Variants in AP1B1 observed in about 807,000 individuals in gnomAD.
AP1B1 encodes AP-1 complex subunit beta-1.
AP1B1 carries 36 observed loss-of-function variants against 104.3 expected under a neutral mutation model. The observed-to-expected ratio is 0.35, with a 90% CI of 0.26 to 0.46. The LOEUF (loss-of-function observed/expected upper bound fraction) is 0.46, where lower values mean the gene tolerates loss of function less well. Ranked by LOEUF, AP1B1 falls within the 20% of genes least tolerant of loss-of-function variation. The probability of loss-of-function intolerance (pLI) is 1.00; values close to 1 mark genes in which losing one functional copy is unlikely to be tolerated. For missense variants in AP1B1, 901 were observed against 1,247.9 expected (o/e 0.72, Z 4.19); for synonymous variants, 504 against 517.5 (o/e 0.97, Z 0.35).
intron 1 of AP1B1, among the ~76,000 whole-genome samples, chr22:29,383,504 A>G (rs2062469984): frequency 6.6e-6 from 1 of 151,922 alleles, no homozygotes; most frequent in African/African-American, 2.4e-5. Flanking sequence ...AGGTCAGGAG[A>G]TCGAGACCAT....
rs2062003830 is a variant in AP1B1 at position 29,359,017 on chromosome 22, T to C, written c.280-46A>G. The C allele has an allele frequency of 3.2e-6, 5 of 1,549,016 alleles. No individual in the cohort carries two copies. In the South Asian group the frequency reaches 4.7e-5, roughly 15 times the overall value. Reference sequence around the variant, plus strand: ...GCCAGGGCAGGGGTGGGATGAGCCATCTGTGGCTTCATATTCTCCCTGGCC... The same window carrying C: ...GCCAGGGCAGGGGTGGGATGAGCCACCTGTGGCTTCATATTCTCCCTGGCC... On this transcript the variant is annotated intron_variant, in intron 4 of 22. Transcript: ENST00000357586.
chr22:29,387,951 G>A (rs1271328451), intron 1 of AP1B1, among the ~76,000 whole-genome samples: 1 of 152,228 alleles, frequency 6.6e-6, no homozygotes. Flanking sequence ...TTGTCTTAGA[G>A]GCTCCAACAA....
rs375423234 is a variant in AP1B1 at position 29,340,953 on chromosome 22, ACT to A, written c.1797-98_1797-97del. The A allele has an allele frequency of 5.2e-5, 65 of 1,260,652 alleles. No homozygotes were observed. The African/African-American group carries it at 7.4e-4, about 14-fold the overall frequency. The allele number at this position is 1,260,652 out of a possible 1,614,324, so 78.1% of individuals were successfully genotyped here. On this transcript the variant is annotated intron_variant, in intron 13 of 22. Transcript: ENST00000357586. Reference sequence around the variant, plus strand: ...GGCAGAGCTGTCCCCCAGGACAGGCACTGAGTCTCCTCACTGTCCCCGACAGG... The same window carrying A: ...GGCAGAGCTGTCCCCCAGGACAGGCAGAGTCTCCTCACTGTCCCCGACAGG...
chr22:29,385,276 C>T (rs994883363), intron 1 of AP1B1, among the ~76,000 whole-genome samples: 1 of 152,134 alleles, frequency 6.6e-6, no homozygotes, highest in Non-Finnish European at 1.5e-5. Flanking sequence ...GTACTAGCTA[C>T]TTGGGAGGCT....
At position 29,356,476 on chromosome 22, in the gene AP1B1, G is replaced by C; in HGVS notation, c.666C>G (p.Ile222Met). The change falls in exon 6 of 23, where the codon ATC (isoleucine) becomes ATG (methionine). Residue 222 changes from isoleucine to methionine, a missense_variant. Physicochemically the swap from Ile to Met is conservative, Grantham distance 10. Around this residue, in one of 3 missense-constraint regions of AP1B1, gnomAD observed 471 missense variants for 696.7 expected, o/e 0.68. Transcript: ENST00000357586. The stretch of plus-strand genomic sequence containing the variant: ...GCATATAGTTGGCGAGGCAGTCCAG[G>C]ATGAAGATCTGGCCCCACTCGGTGC... ...NECTEWGQIF[I>M]LDCLANYMPK... is the part of the protein sequence containing the mutation. 1.2e-6 allele frequency: 2 copies of C among 1,614,204 alleles called. No homozygotes were observed. The highest frequency in any genetic ancestry group is 1.7e-6 in the Non-Finnish European group (2 of 1,180,028).
At chr22:29,374,489 G>GAC (rs551569626) in intron 1 of AP1B1, among the ~76,000 whole-genome samples, 1 of 152,316 alleles carries the variant, frequency 6.6e-6, no homozygotes, top group South Asian at 2.1e-4. Context: ...GAATGGCAGA[G>GAC]GATGTGGACA....
intron 1 of AP1B1, 46 bp downstream of exon 1, chr22:29,388,378 T>G (rs2062568416): frequency 6.6e-6 from 1 of 152,298 alleles, no homozygotes; most frequent in Non-Finnish European, 1.5e-5. Flanking sequence ...CCCTGACCCC[T>G]CGCCCCACTT....
intron 16 of AP1B1, among the ~76,000 whole-genome samples, chr22:29,335,746 C>T (rs1378379032): frequency 6.6e-6 from 1 of 152,236 alleles, no homozygotes; most frequent in African/African-American, 2.4e-5. Flanking sequence ...GCCCCTGCCC[C>T]TGGGACCTCA....
At chr22:29,361,176 A>G (rs531604117) in intron 3 of AP1B1, among the ~76,000 whole-genome samples, 1 of 152,234 alleles carries the variant, frequency 6.6e-6, no homozygotes, top group African/African-American at 2.4e-5. Context: ...CTGACTTGGA[A>G]GGAGGCCCAG....
chr22:29,362,351 C>CTT (rs889164304), intron 3 of AP1B1, among the ~76,000 whole-genome samples: 4 of 145,982 alleles, frequency 2.7e-5, no homozygotes, highest in South Asian at 2.2e-4. Context: ...TCCCATTCTT[C>CTT]TTTTTTTTTT....
At chr22:29,387,115 G>C (rs2062537259) in intron 1 of AP1B1, among the ~76,000 whole-genome samples, 1 of 152,152 alleles carries the variant, frequency 6.6e-6, no homozygotes, top group Non-Finnish European at 1.5e-5. Context: ...AGCCTGTTTT[G>C]TGTCTCACTG....
chr22:29,377,880 A>G (rs5763178), intron 1 of AP1B1, among the ~76,000 whole-genome samples: 95,648 of 151,620 alleles, frequency 0.63, 31,577 homozygotes, highest in African/African-American at 0.83. Flanking sequence ...AAGTTTACAG[A>G]TGAGGAAACT....
At chr22:29,331,103 C>T (rs2147930326) in intron 19 of AP1B1, among the ~76,000 whole-genome samples, 1 of 152,316 alleles carries the variant, frequency 6.6e-6, no homozygotes, top group South Asian at 2.1e-4. Context: ...TGATCAACAC[C>T]CTTCTTGGGG....
intron 11 of AP1B1, among the ~76,000 whole-genome samples, chr22:29,345,108 G>C (rs2061771800): frequency 6.6e-6 from 1 of 152,214 alleles, no homozygotes; most frequent in African/African-American, 2.4e-5. Context: ...GCCCAGGCTG[G>C]AGTGCAGTGG....
rs1460602967 is a variant in AP1B1, at chr22:29,339,230, G to A, written c.2020-97C>T. 8 of 1,360,854 alleles carry A rather than the reference G, an allele frequency of 5.9e-6. No individual in the cohort carries two copies. In the African/African-American group the frequency reaches 8.6e-5, roughly 15 times the overall value. The allele number at this position is 1,360,854 out of a possible 1,614,324, so 84.3% of individuals were successfully genotyped here. On this transcript the variant is annotated intron_variant, in intron 15 of 22. Transcript: ENST00000357586. ...GCCACCTGGCTCTTTAGAAGACACT[G>A]GGGGCAGGGGGCAGGACAGCCTCCA...
In AP1B1 at chr22:29,339,754, C is replaced by A. The variant is rs201033565; in HGVS notation, c.2019G>T (p.Gly673=). 366 of 1,608,954 alleles carry A rather than the reference C, an allele frequency of 2.3e-4. 1 individual carries two copies. The highest frequency in any genetic ancestry group is 8.5e-6 in the Non-Finnish European group (10 of 1,177,922). ...TGGTGACGCAAGGGTTGAACCATAC[C>A]CCTTCAGGCTCATCCCCCATCTCCA... is the stretch of plus-strand genomic sequence containing the variant. ...LDSLMGDEPE[G]IGGTNFVAPP... is the part of the protein sequence containing the mutation. The change falls in exon 15 of 23, where the codon GGG becomes GGT. Residue 673 remains glycine, a splice_region_variant and synonymous_variant. Coordinates refer to ENST00000357586, the MANE Select transcript of AP1B1 (RefSeq NM_001127.4).
chr22:29,346,588 G>A (rs1256307023), intron 11 of AP1B1, among the ~76,000 whole-genome samples: 3 of 152,206 alleles, frequency 2.0e-5, no homozygotes, highest in South Asian at 2.1e-4. Flanking sequence ...TTGCTTGCCC[G>A]CCGCTCACCT....
chr22:29,370,933 G>A (rs2062224762), intron 1 of AP1B1, among the ~76,000 whole-genome samples: 1 of 152,116 alleles, frequency 6.6e-6, no homozygotes, highest in East Asian at 1.9e-4. Flanking sequence ...ATATCCCTCT[G>A]CAGAGGGCCC....
intron 1 of AP1B1, among the ~76,000 whole-genome samples, chr22:29,383,808 G>C (rs992834278): frequency 1.3e-5 from 2 of 152,066 alleles, no homozygotes; most frequent in Admixed American, 6.6e-5. Flanking sequence ...CAGTGACTAA[G>C]GCATCCCAGT....
Sources: gnomAD v4.1 joint callset for allele counts (sites outside exome capture counted in the v4.1 genomes callset) on GRCh38, gnomAD v4.1.1 for gene constraint, gnomAD v4.1.1 regional missense constraint, MANE v1.5 for transcripts, NCBI Gene and HGNC (gene_info 2026-07-23, HGNC 2026-07-21) for gene names.